FSTL5: variants seen among roughly 807,000 people sequenced by gnomAD.
The protein encoded by FSTL5 is follistatin-related protein 5.
Under a neutral mutation model 89.1 loss-of-function variants are expected in FSTL5, and 62 were observed. The observed-to-expected ratio is 0.70, with a 90% CI of 0.57 to 0.86. The LOEUF is 0.86. FSTL5 is among the 40% of genes least tolerant of loss of function. The pLI is 0.00. For synonymous variants in FSTL5, 383 were observed against 346.2 expected (o/e 1.11, Z -1.18); for missense variants, 1,057 against 1,001.6 (o/e 1.06, Z -0.75).
At chr4:162,048,721 A>G (rs931726658) in intron 2 of FSTL5, among the ~76,000 whole-genome samples, 1 of 152,156 alleles carries the variant, frequency 6.6e-6, no homozygotes, top group Non-Finnish European at 1.5e-5. Context: ...AAATGGATGC[A>G]TAGATGTCAA....
chr4:162,014,497 ATAGT>A (rs1736860233), intron 3 of FSTL5, among the ~76,000 whole-genome samples: 1 of 152,190 alleles, frequency 6.6e-6, no homozygotes, highest in South Asian at 2.1e-4. Context: ...TGATGATGTT[ATAGT>A]TAGTTGGCTA....
chr4:161,401,323 T>G (rs115075234), intron 15 of FSTL5, among the ~76,000 whole-genome samples: 1 of 152,156 alleles, frequency 6.6e-6, no homozygotes, highest in African/African-American at 2.4e-5. Context: ...AGGAAGAAAG[T>G]AGAAATAGAA....
chr4:161,903,221 G>A (rs1029037751), intron 4 of FSTL5, among the ~76,000 whole-genome samples: 1 of 151,374 alleles, frequency 6.6e-6, no homozygotes, highest in Non-Finnish European at 1.5e-5. Flanking sequence ...TATGTTATGT[G>A]CCAACTCTTT....
chr4:161,979,854 T>G (rs1275326597), intron 3 of FSTL5, among the ~76,000 whole-genome samples: 1 of 152,094 alleles, frequency 6.6e-6, no homozygotes, highest in Non-Finnish European at 1.5e-5. Context: ...TCTACGCATG[T>G]TCAATTCCAT....
chr4:161,647,257 A>T (rs1019730955), intron 7 of FSTL5, among the ~76,000 whole-genome samples: 1 of 152,172 alleles, frequency 6.6e-6, no homozygotes, highest in South Asian at 2.1e-4. Flanking sequence ...TGAAGAGATG[A>T]TACTTTCTCC....
chr4:161,643,042 T>C (rs1025511872), intron 7 of FSTL5, among the ~76,000 whole-genome samples: 1 of 152,238 alleles, frequency 6.6e-6, no homozygotes, highest in African/African-American at 2.4e-5. Context: ...TTGGTTTATA[T>C]AAGTCTTGTT....
intron 4 of FSTL5, among the ~76,000 whole-genome samples, chr4:161,893,943 T>C (rs761867944): frequency 2.6e-5 from 4 of 152,164 alleles, no homozygotes; most frequent in Non-Finnish European, 2.9e-5. Context: ...CCTGCAAACT[T>C]TATTGTAAGG....
intron 6 of FSTL5, among the ~76,000 whole-genome samples, chr4:161,753,764 C>T (rs1740476853): frequency 2.0e-5 from 3 of 151,966 alleles, no homozygotes; most frequent in Non-Finnish European, 4.4e-5. Context: ...CTGTTTCGGC[C>T]AGGCGCGGTG....
chr4:161,779,821 A>ATATATATATATATATG lies in FSTL5; in HGVS notation c.410-3763_410-3748dup, dbSNP rs1560841127. Among the ~76,000 whole-genome samples the ATATATATATATATATG allele has an allele frequency of 1.4e-3, 90 of 63,342 alleles. 4 individuals carry two copies. The highest frequency in any genetic ancestry group is 8.9e-3 in the Middle Eastern group (1 of 112). 41.6% of individuals were successfully genotyped at this position (63,342 alleles called of 152,430 possible). On this transcript the variant is annotated intron_variant, in intron 4 of 15. Transcript: ENST00000306100. ...TATATATATATATATGTATATATAT[A>ATATATATATATATATG]TATATATATATATATGTATATAAAA... is the stretch of plus-strand genomic sequence containing the variant.
intron 3 of FSTL5, among the ~76,000 whole-genome samples, chr4:162,026,999 A>G (rs1261990046): frequency 1.3e-5 from 2 of 152,162 alleles, no homozygotes; most frequent in Non-Finnish European, 2.9e-5. Flanking sequence ...TGAAAACTAG[A>G]GGATATATGC....
intron 4 of FSTL5, among the ~76,000 whole-genome samples, chr4:161,841,246 T>G (rs1731203616): frequency 6.6e-6 from 1 of 152,210 alleles, no homozygotes; most frequent in African/African-American, 2.4e-5. Flanking sequence ...TTCACCTCTT[T>G]CATTGATTAA....
chr4:161,945,891 T>A lies in FSTL5; in HGVS notation c.161-25239A>T, dbSNP rs184383236. ...ATTTATATGTATATGTAAAAGTTTA[T>A]CATGTACCCCATACATCTGCACAAA... On this transcript the variant is annotated intron_variant, in intron 3 of 15. Transcript: ENST00000306100. Among the ~76,000 whole-genome samples the A allele has an allele frequency of 5.3e-5, 8 of 152,304 alleles. No individual in the cohort carries two copies. The East Asian group carries it at 1.5e-3, about 29-fold the overall frequency.
chr4:161,864,233 T>C (rs911060922), intron 4 of FSTL5, among the ~76,000 whole-genome samples: 6 of 152,198 alleles, frequency 3.9e-5, no homozygotes, highest in African/African-American at 1.4e-4. Flanking sequence ...TTCAGGTTCA[T>C]TCTCACAGCA....
At chr4:161,424,831 T>C (rs1732116992) in intron 15 of FSTL5, among the ~76,000 whole-genome samples, 1 of 152,268 alleles carries the variant, frequency 6.6e-6, no homozygotes. Flanking sequence ...TAGATTGATC[T>C]AAAAACAAAC....
intron 15 of FSTL5, among the ~76,000 whole-genome samples, chr4:161,432,510 A>C (rs573341555): frequency 1.3e-5 from 2 of 152,216 alleles, no homozygotes; most frequent in East Asian, 3.9e-4. Flanking sequence ...AAAAACTTCA[A>C]ATAAACTAAT....
chr4:161,645,650 C>T (rs1032524338), intron 7 of FSTL5, among the ~76,000 whole-genome samples: 22 of 152,080 alleles, frequency 1.4e-4, no homozygotes, highest in East Asian at 1.9e-4. Flanking sequence ...TGAACCTACA[C>T]GACCTGCGTT....
intron 4 of FSTL5, among the ~76,000 whole-genome samples, chr4:161,893,585 A>G (rs1321874838): frequency 6.6e-6 from 1 of 152,130 alleles, no homozygotes; most frequent in Admixed American, 6.5e-5. Context: ...ACTAAATGTC[A>G]TTTGCCTAGG....
At chr4:161,764,663 T>C (rs980106819) in intron 5 of FSTL5, among the ~76,000 whole-genome samples, 11 of 152,230 alleles carry the variant, frequency 7.2e-5, no homozygotes, top group Non-Finnish European at 2.9e-5. Flanking sequence ...TAGCCAACTT[T>C]AATTTTTTTG....
intron 8 of FSTL5, among the ~76,000 whole-genome samples, chr4:161,553,859 T>C (rs1732298001): frequency 6.6e-6 from 1 of 151,556 alleles, no homozygotes; most frequent in African/African-American, 2.4e-5. Flanking sequence ...TATATGTAAC[T>C]TTTCAAGGAA....
Sources: allele counts gnomAD v4.1 joint callset (sites outside exome capture counted in the v4.1 genomes callset), GRCh38; gene constraint gnomAD v4.1.1; transcripts MANE v1.5; gene names NCBI Gene and HGNC (gene_info 2026-07-23, HGNC 2026-07-21).